The following SCN2A variants were observed in gnomAD, a reference collection of about 807,000 sequenced individuals.
The protein encoded by SCN2A is sodium channel protein type 2 subunit alpha.
A neutral mutation model predicts 188.7 loss-of-function variants in SCN2A; 20 were observed. The observed-to-expected ratio is 0.11, with a 90% CI of 0.07 to 0.15. The LOEUF is 0.15. SCN2A is among the 10% of genes least tolerant of loss of function. SCN2A has a pLI of 1.00. For synonymous variants in SCN2A, 804 were observed against 833.1 expected (o/e 0.97, Z 0.60); for missense variants, 1,278 against 2,445.0 (o/e 0.52, Z 10.07).
intron 21 of SCN2A, among the ~76,000 whole-genome samples, chr2:165,374,084 A>G (rs550254828): frequency 6.6e-6 from 1 of 152,222 alleles, no homozygotes; most frequent in African/African-American, 2.4e-5. Flanking sequence ...GACTTTATCT[A>G]GTGTTACAAT....
rs555368941 is a variant in SCN2A at position 165,386,730 on chromosome 2, A to T, written c.4552-16A>T. On this transcript the variant is annotated splice_polypyrimidine_tract_variant and intron_variant, in intron 25 of 26. Transcript: ENST00000375437. The stretch of plus-strand genomic sequence containing the variant: ...TTAAGGTTTCTAATGGAACTTTTAC[A>T]TATTATTTGTTCCAGAACAAATTCC... 1.3e-5 allele frequency: 21 copies of T among 1,609,554 alleles called. No homozygotes were observed. The African/African-American group carries it at 2.7e-4, about 20-fold the overall frequency.
At chr2:165,364,013 T>C (rs1700595807) in intron 17 of SCN2A, among the ~76,000 whole-genome samples, 1 of 152,186 alleles carries the variant, frequency 6.6e-6, no homozygotes, top group African/African-American at 2.4e-5. Context: ...ACCATCTTTC[T>C]AGAGAAAATC....
At chr2:165,246,360 T>A (rs1167265849) in intron 1 of SCN2A, among the ~76,000 whole-genome samples, 1 of 151,936 alleles carries the variant, frequency 6.6e-6, no homozygotes, top group Non-Finnish European at 1.5e-5. Flanking sequence ...AATGATCATG[T>A]TTTTTTTACC....
intron 1 of SCN2A, among the ~76,000 whole-genome samples, chr2:165,248,994 A>G (rs890757239): frequency 2.0e-5 from 3 of 152,156 alleles, no homozygotes; most frequent in African/African-American, 7.2e-5. Context: ...TATTAGTGTT[A>G]TAAAATCAAA....
chr2:165,308,448 T>G (rs1285328167), intron 4 of SCN2A, among the ~76,000 whole-genome samples: 1 of 152,134 alleles, frequency 6.6e-6, no homozygotes, highest in Non-Finnish European at 1.5e-5. Context: ...TTAAATTAAT[T>G]AATGTGGAAA....
chr2:165,244,662 T>C (rs1037177385), intron 1 of SCN2A, among the ~76,000 whole-genome samples: 5 of 152,188 alleles, frequency 3.3e-5, no homozygotes, highest in African/African-American at 1.2e-4. Context: ...TGTTTGTACT[T>C]ACTAAAATAA....
At chr2:165,318,552 C>G (rs567822274) in intron 11 of SCN2A, among the ~76,000 whole-genome samples, 1 of 152,274 alleles carries the variant, frequency 6.6e-6, no homozygotes, top group African/African-American at 2.4e-5. Flanking sequence ...TTGATGCTAA[C>G]GGATGGGGCA....
chr2:165,364,577 A>G (rs1041946996), intron 17 of SCN2A, among the ~76,000 whole-genome samples: 3 of 152,218 alleles, frequency 2.0e-5, no homozygotes, highest in African/African-American at 7.2e-5. Flanking sequence ...CTCTTGCTAT[A>G]TAGCTAACAA....
chr2:165,354,794 T>G, intron 17 of SCN2A, 123 bp downstream of exon 17: 2 of 951,412 alleles, frequency 2.1e-6, no homozygotes, highest in Non-Finnish European at 3.1e-6. Context: ...TGTCTAGCAA[T>G]ATATTTTCCA....
intron 14 of SCN2A, among the ~76,000 whole-genome samples, chr2:165,337,200 TA>T (rs1290319144): frequency 1.3e-5 from 2 of 152,066 alleles, no homozygotes; most frequent in Admixed American, 6.5e-5. Context: ...TGGATGTGTT[TA>T]AAACAAAATT....
At chr2:165,370,654 G>A (rs930853421) in intron 20 of SCN2A, 5 of 259,784 alleles carry the variant, frequency 1.9e-5, no homozygotes, top group Admixed American at 4.8e-5. Flanking sequence ...TTTGACATTA[G>A]TATGTTTGTC....
At chr2:165,257,497 T>C (rs1008384224) in intron 1 of SCN2A, among the ~76,000 whole-genome samples, 4 of 152,240 alleles carry the variant, frequency 2.6e-5, no homozygotes, top group Non-Finnish European at 4.4e-5. Context: ...ATTGTGGTTT[T>C]TGTTTCTGTG....
At chr2:165,358,962 T>A (rs1700315063) in intron 17 of SCN2A, among the ~76,000 whole-genome samples, 1 of 152,136 alleles carries the variant, frequency 6.6e-6, no homozygotes, top group Non-Finnish European at 1.5e-5. Flanking sequence ...CTAAACCCAA[T>A]TTAATCATTT....
intron 12 of SCN2A, among the ~76,000 whole-genome samples, chr2:165,325,864 T>C (rs918682392): frequency 1.3e-5 from 2 of 152,164 alleles, no homozygotes; most frequent in Non-Finnish European, 2.9e-5. Flanking sequence ...TATGTATGCA[T>C]TAAAATAATT....
At chr2:165,314,144 T>G (rs768821318) in intron 10 of SCN2A, 36 bp downstream of exon 10, 2 of 1,593,742 alleles carry the variant, frequency 1.3e-6, no homozygotes, top group East Asian at 2.3e-5. Flanking sequence ...TTGTTTTTCT[T>G]TATCTAAATT....
intron 14 of SCN2A, among the ~76,000 whole-genome samples, chr2:165,333,533 A>G (rs1698813461): frequency 6.6e-6 from 1 of 151,972 alleles, no homozygotes; most frequent in South Asian, 2.1e-4. Flanking sequence ...AAATTAAACA[A>G]CTTGCTCTTA....
chr2:165,360,571 A>G (rs1700409321), intron 17 of SCN2A, among the ~76,000 whole-genome samples: 1 of 151,926 alleles, frequency 6.6e-6, no homozygotes, highest in Non-Finnish European at 1.5e-5. Context: ...TAATATTTCC[A>G]CCTGAAAGTA....
intron 14 of SCN2A, among the ~76,000 whole-genome samples, chr2:165,340,317 G>GAAA (rs3029611): frequency 6.6e-6 from 1 of 151,864 alleles, no homozygotes. Flanking sequence ...GAACAAAAAA[G>GAAA]AAAAGTCTAG....
intron 1 of SCN2A, among the ~76,000 whole-genome samples, chr2:165,264,101 G>A: frequency 6.6e-6 from 1 of 152,036 alleles, no homozygotes; most frequent in East Asian, 1.9e-4. Context: ...GTGACAGTTT[G>A]ACCTCCTCTT....
Sources: allele counts gnomAD v4.1 joint callset (sites outside exome capture counted in the v4.1 genomes callset), GRCh38; gene constraint gnomAD v4.1.1; transcripts MANE v1.5; gene names NCBI Gene and HGNC (gene_info 2026-07-23, HGNC 2026-07-21).